The following CACNA2D3 variants were observed in gnomAD, a reference collection of about 807,000 sequenced individuals.
CACNA2D3 encodes the protein voltage-dependent calcium channel subunit alpha-2/delta-3.
A neutral mutation model predicts 160.6 loss-of-function variants in CACNA2D3; 60 were observed. The observed-to-expected ratio is 0.37, with a 90% confidence interval of 0.30 to 0.46. The LOEUF is 0.46. CACNA2D3 is among the 20% of genes least tolerant of loss of function. CACNA2D3 has a pLI of 1.00. For synonymous variants in CACNA2D3, 558 were observed against 492.9 expected (o/e 1.13, Z -1.75); for missense variants, 1,205 against 1,365.0 (o/e 0.88, Z 1.85).
At position 54,123,514 on chromosome 3, in the gene CACNA2D3, G is replaced by T. The variant is rs372027838; in HGVS notation, c.124G>T (p.Val42Leu). 1.9e-6 allele frequency: 3 copies of T among 1,613,284 alleles called. No individual in the cohort carries two copies. Among genetic ancestry groups the T allele is most frequent in the East Asian group, 2.2e-5 (1 of 44,882 alleles). Reference protein sequence around the residue: ...RSEQQIPLSVVKLWASAFGGE... With the variant: ...RSEQQIPLSVLKLWASAFGGE... The stretch of plus-strand genomic sequence containing the variant: ...TTCCTGTGCCCCTTCTCCCTGTAGG[G>T]TGAAGCTCTGGGCCTCGGCTTTTGG... Residue 42 changes from valine (V) to leucine (L), a missense_variant and splice_region_variant, in exon 2 of 38, where the codon GTG becomes TTG. This residue lies in a region of CACNA2D3 where 163 missense variants were observed against 161.3 expected (regional missense o/e 1.01). Transcript: ENST00000474759.
intron 17 of CACNA2D3, among the ~76,000 whole-genome samples, chr3:54,850,427 T>C (rs1169880414): frequency 6.6e-6 from 1 of 152,258 alleles, no homozygotes; most frequent in Non-Finnish European, 1.5e-5. Context: ...TACCACTTGT[T>C]AAACATTGAA....
intron 11 of CACNA2D3, among the ~76,000 whole-genome samples, chr3:54,699,456 A>G (rs1284357612): frequency 6.6e-6 from 1 of 152,120 alleles, no homozygotes; most frequent in African/African-American, 2.4e-5. Context: ...CCAGTCACTA[A>G]CAAGTTGTTC....
intron 4 of CACNA2D3, among the ~76,000 whole-genome samples, chr3:54,401,191 C>G (rs1699456670): frequency 6.6e-6 from 1 of 151,538 alleles, no homozygotes; most frequent in Non-Finnish European, 1.5e-5. Context: ...ATTACCTAGT[C>G]AACGGAAAAA....
intron 12 of CACNA2D3, among the ~76,000 whole-genome samples, chr3:54,762,716 C>T (rs1702101613): frequency 6.6e-6 from 1 of 152,178 alleles, no homozygotes; most frequent in Non-Finnish European, 1.5e-5. Context: ...AGGAACATAG[C>T]AGCGCCCTGG....
At chr3:55,072,046 T>C (rs974899920) in intron 35 of CACNA2D3, among the ~76,000 whole-genome samples, 1 of 151,820 alleles carries the variant, frequency 6.6e-6, no homozygotes, top group Non-Finnish European at 1.5e-5. Context: ...CAAGAAAGAG[T>C]CTAGTGTTAA....
At chr3:54,644,740 T>C (rs755364377) in intron 11 of CACNA2D3, among the ~76,000 whole-genome samples, 2 of 152,258 alleles carry the variant, frequency 1.3e-5, no homozygotes, top group Non-Finnish European at 2.9e-5. Flanking sequence ...CTACAACTTC[T>C]GATGCAGTAG....
At chr3:54,326,097 T>G (rs1704115300) in intron 3 of CACNA2D3, among the ~76,000 whole-genome samples, 1 of 152,222 alleles carries the variant, frequency 6.6e-6, no homozygotes, top group Non-Finnish European at 1.5e-5. Flanking sequence ...TCAATTTCAG[T>G]GCATTCACGC....
chr3:54,180,155 A>G (rs1238114648), intron 2 of CACNA2D3, among the ~76,000 whole-genome samples: 1 of 151,048 alleles, frequency 6.6e-6, no homozygotes, highest in African/African-American at 2.4e-5. Context: ...TCTTCCAGAA[A>G]TGTGAGTGTA....
intron 2 of CACNA2D3, among the ~76,000 whole-genome samples, chr3:54,258,357 T>C (rs148443607): frequency 1.5e-4 from 23 of 152,254 alleles, no homozygotes; most frequent in Non-Finnish European, 2.6e-4. Flanking sequence ...CCCAAGTAAA[T>C]GAGAGTCTGA....
intron 2 of CACNA2D3, among the ~76,000 whole-genome samples, chr3:54,152,542 C>T (rs1700170922): frequency 6.6e-6 from 1 of 152,136 alleles, no homozygotes; most frequent in African/African-American, 2.4e-5. Flanking sequence ...GTTCATTTGT[C>T]CACCTCGTGG....
chr3:54,807,111 A>G (rs1250636136), intron 13 of CACNA2D3, among the ~76,000 whole-genome samples: 1 of 152,104 alleles, frequency 6.6e-6, no homozygotes, highest in Non-Finnish European at 1.5e-5. Context: ...CTAGAAGAAA[A>G]CCTGGGCATT....
chr3:54,286,435 G>T (rs1703028759), intron 2 of CACNA2D3, among the ~76,000 whole-genome samples: 1 of 152,226 alleles, frequency 6.6e-6, no homozygotes, highest in Non-Finnish European at 1.5e-5. Flanking sequence ...TATGTGAAAA[G>T]ACCAAATCTA....
intron 8 of CACNA2D3, among the ~76,000 whole-genome samples, chr3:54,571,779 G>A (rs1295395477): frequency 1.3e-5 from 2 of 152,090 alleles, no homozygotes; most frequent in African/African-American, 4.8e-5. Context: ...TTTTGGAGTT[G>A]GGCTGTTTTG....
chr3:54,809,199 T>C (rs1276867258), intron 13 of CACNA2D3, among the ~76,000 whole-genome samples: 1 of 151,696 alleles, frequency 6.6e-6, no homozygotes, highest in Non-Finnish European at 1.5e-5. Flanking sequence ...TCCTTCTTTC[T>C]TCTCCTTCCT....
intron 2 of CACNA2D3, among the ~76,000 whole-genome samples, chr3:54,292,567 TGAA>T (rs1703235850): frequency 6.6e-6 from 1 of 151,988 alleles, no homozygotes; most frequent in South Asian, 2.1e-4. Flanking sequence ...AATAAGTACA[TGAA>T]AAAAAATCCT....
intron 2 of CACNA2D3, among the ~76,000 whole-genome samples, chr3:54,289,548 A>G (rs1703128101): frequency 6.6e-6 from 1 of 152,082 alleles, no homozygotes; most frequent in African/African-American, 2.4e-5. Flanking sequence ...ACAGAATTGG[A>G]AAAAACTACT....
At chr3:54,312,116 T>C (rs1408486667) in intron 2 of CACNA2D3, among the ~76,000 whole-genome samples, 1 of 152,048 alleles carries the variant, frequency 6.6e-6, no homozygotes, top group African/African-American at 2.4e-5. Flanking sequence ...TGCCAGAGGG[T>C]TGGGAGAGGG....
chr3:54,307,199 G>A (rs889200549), intron 2 of CACNA2D3, among the ~76,000 whole-genome samples: 1 of 152,170 alleles, frequency 6.6e-6, no homozygotes, highest in Admixed American at 6.5e-5. Flanking sequence ...GAAAGTGCTG[G>A]TGCTGGGCTT....
rs572821720 is a variant in CACNA2D3, at chr3:54,980,624, A to T, written c.2557-3984A>T. ...AAAACCTTGGTAAGTAAGGGATTTTAATTATGTACTAGGTGCCGAGCCTAG... is the reference window on the plus strand; with the variant it reads ...AAAACCTTGGTAAGTAAGGGATTTTTATTATGTACTAGGTGCCGAGCCTAG... On this transcript the variant is annotated intron_variant, in intron 29 of 37. Coordinates refer to ENST00000474759, the MANE Select transcript of CACNA2D3 (RefSeq NM_018398.3). 2.1e-4 allele frequency among the ~76,000 whole-genome samples: 32 copies of T among 152,316 alleles called. 1 individual carries two copies. Among genetic ancestry groups the T allele is most frequent in the Non-Finnish European group, 1.0e-4 (7 of 68,032 alleles).
Sources: allele counts gnomAD v4.1 joint callset (sites outside exome capture counted in the v4.1 genomes callset), GRCh38; gene constraint gnomAD v4.1.1; regional missense constraint gnomAD v4.1.1; transcripts MANE v1.5; gene names NCBI Gene and HGNC (gene_info 2026-07-23, HGNC 2026-07-21).